AFG1L: variants seen among roughly 807,000 people sequenced by gnomAD.
The protein encoded by AFG1L is AFG1 like ATPase.
A neutral mutation model predicts 62.2 loss-of-function variants in AFG1L; 53 were observed. The ratio of observed to expected loss-of-function variants is 0.85; its 90% CI spans 0.68 to 1.07. AFG1L has a LOEUF of 1.07. Among genes scored for constraint, AFG1L ranks in the 50% least tolerant of loss-of-function variants. The pLI is 0.00. For synonymous variants in AFG1L, 228 were observed against 210.3 expected (o/e 1.08, Z -0.73); for missense variants, 555 against 590.5 (o/e 0.94, Z 0.62).
At chr6:108,474,897 A>T (rs1221844512) in intron 8 of AFG1L, among the ~76,000 whole-genome samples, 1 of 152,120 alleles carries the variant, frequency 6.6e-6, no homozygotes, top group Non-Finnish European at 1.5e-5. Flanking sequence ...GTTTAATTAG[A>T]TCCCATTTGT....
chr6:108,334,983 T>C (rs959127932), intron 2 of AFG1L, among the ~76,000 whole-genome samples: 10 of 152,080 alleles, frequency 6.6e-5, no homozygotes, highest in South Asian at 2.1e-4. Flanking sequence ...CTGGTAGATA[T>C]TGTATTTCTT....
chr6:108,329,408 C>A (rs982654648), intron 2 of AFG1L, among the ~76,000 whole-genome samples: 6 of 152,188 alleles, frequency 3.9e-5, no homozygotes, highest in African/African-American at 1.4e-4. Context: ...AAGTGATTCT[C>A]CTGTCTCGGC....
chr6:108,440,744 G>A (rs1007942835), intron 7 of AFG1L, among the ~76,000 whole-genome samples: 1 of 151,390 alleles, frequency 6.6e-6, no homozygotes, highest in Non-Finnish European at 1.5e-5. Context: ...TTGCTTGAAC[G>A]CAGGAAGCAG....
At chr6:108,451,740 G>A (rs760011667) in intron 8 of AFG1L, among the ~76,000 whole-genome samples, 16 of 151,774 alleles carry the variant, frequency 1.1e-4, no homozygotes, top group South Asian at 4.1e-4. Flanking sequence ...TGGGGGACAC[G>A]GAGTCTTGCT....
chr6:108,473,085 C>T (rs970460488), intron 8 of AFG1L, among the ~76,000 whole-genome samples: 2 of 152,020 alleles, frequency 1.3e-5, no homozygotes, highest in Non-Finnish European at 2.9e-5. Flanking sequence ...TCTAGGCATG[C>T]GTCCCACGCC....
rs2114924179 is a variant in AFG1L, at chr6:108,522,574, A to C, written c.*149A>C. 3.9e-6 allele frequency: 3 copies of C among 769,444 alleles called. No homozygotes were observed. In the East Asian group the frequency reaches 8.8e-5, roughly 22 times the overall value. 47.7% of individuals were successfully genotyped at this position (769,444 alleles called of 1,614,324 possible). A position where few individuals can be genotyped will look rare whatever the true frequency, so the allele number is the denominator to read the frequency against. ...AATCTAAAATTGCTCTCAAGGATCT[A>C]GTGGATTAGTAAGTTAAACACTTAA... On this transcript the variant is annotated 3_prime_UTR_variant, in exon 13 of 13. Transcript: ENST00000368977.
At chr6:108,374,949 C>T (rs1340351348) in intron 6 of AFG1L, among the ~76,000 whole-genome samples, 1 of 152,096 alleles carries the variant, frequency 6.6e-6, no homozygotes, top group Non-Finnish European at 1.5e-5. Context: ...GACATAGATT[C>T]TTCCAATCCA....
Position 108,346,962 on chromosome 6 carries a change from A to T in AFG1L, c.364-26A>T, listed in dbSNP as rs530224024. On this transcript the variant is annotated intron_variant, in intron 2 of 12. Coordinates refer to ENST00000368977, the MANE Select transcript of AFG1L (RefSeq NM_145315.5). ...ATATTTAATTATTTGCATGGTAGAG[A>T]TTTATAATTTGTTCTTAATTTGCAG... is the stretch of plus-strand genomic sequence containing the variant. 498 of 1,565,404 alleles carry T rather than the reference A, an allele frequency of 3.2e-4. 5 individuals carry two copies. In the South Asian group the frequency reaches 5.3e-3, roughly 17 times the overall value.
At chr6:108,406,371 G>A (rs1781857463) in intron 7 of AFG1L, among the ~76,000 whole-genome samples, 2 of 147,678 alleles carry the variant, frequency 1.4e-5, no homozygotes, top group Admixed American at 1.4e-4. Context: ...ATCTCATTAT[G>A]GCTTTGATTT....
intron 6 of AFG1L, among the ~76,000 whole-genome samples, chr6:108,393,715 G>A (rs529009639): frequency 2.0e-5 from 3 of 152,226 alleles, no homozygotes; most frequent in African/African-American, 7.2e-5. Context: ...TAGGACCAAA[G>A]TGTTACCTTA....
Position 108,507,981 on chromosome 6 carries a change from A to G in AFG1L, c.1063-2231A>G, listed in dbSNP as rs17069613. Among the ~76,000 whole-genome samples the G allele has an allele frequency of 0.015, 2,264 of 152,290 alleles. 167 individuals carry two copies. In the East Asian group the frequency reaches 0.21, roughly 14 times the overall value. The stretch of plus-strand genomic sequence containing the variant: ...CATTTGTACTGATCCCAATCATTTG[A>G]GCTCAAAATAATAAAAATAAAAGTA... On this transcript the variant is annotated intron_variant, in intron 10 of 12. Transcript: ENST00000368977.
chr6:108,353,154 T>A (rs760809688), intron 3 of AFG1L, among the ~76,000 whole-genome samples: 34 of 1,648 alleles, frequency 0.021, no homozygotes, highest in Non-Finnish European at 0.071. Context: ...CAATGTTTAA[T>A]TTTTTTTTTT....
intron 7 of AFG1L, among the ~76,000 whole-genome samples, chr6:108,442,496 T>C (rs182394391): frequency 5.8e-4 from 88 of 152,160 alleles, no homozygotes; most frequent in Non-Finnish European, 8.8e-4. Context: ...TTGGACAACT[T>C]GGAGTGATGA....
At chr6:108,354,373 G>T (rs544141938) in intron 3 of AFG1L, among the ~76,000 whole-genome samples, 19 of 151,830 alleles carry the variant, frequency 1.3e-4, no homozygotes, top group African/African-American at 4.6e-4. Flanking sequence ...GCAGTGGCAC[G>T]ATCTCACTGC....
chr6:108,406,392 A>G (rs1164701289), intron 7 of AFG1L, among the ~76,000 whole-genome samples: 5 of 151,726 alleles, frequency 3.3e-5, no homozygotes, highest in Admixed American at 3.3e-4. Flanking sequence ...GCATTTCCCA[A>G]ATGATTAATG....
chr6:108,416,744 G>A (rs145610086), intron 7 of AFG1L, among the ~76,000 whole-genome samples: 1 of 151,960 alleles, frequency 6.6e-6, no homozygotes, highest in Admixed American at 6.6e-5. Flanking sequence ...TGGACACAGG[G>A]TGAGGAACAT....
intron 2 of AFG1L, among the ~76,000 whole-genome samples, chr6:108,341,133 T>A (rs1047586714): frequency 6.6e-6 from 1 of 152,168 alleles, no homozygotes; most frequent in African/African-American, 2.4e-5. Flanking sequence ...GTATATATTT[T>A]AGTATGAGAT....
chr6:108,350,929 C>A (rs913760583), intron 3 of AFG1L, among the ~76,000 whole-genome samples: 2 of 152,170 alleles, frequency 1.3e-5, no homozygotes, highest in Non-Finnish European at 2.9e-5. Context: ...TACTACACAC[C>A]TAGGCTGTAT....
intron 2 of AFG1L, among the ~76,000 whole-genome samples, chr6:108,327,631 A>G (rs1287394810): frequency 2.6e-5 from 4 of 152,286 alleles, no homozygotes; most frequent in African/African-American, 9.6e-5. Flanking sequence ...CACCTTCCAA[A>G]GGTCCTACCT....
Sources: allele counts gnomAD v4.1 joint callset (sites outside exome capture counted in the v4.1 genomes callset), GRCh38; gene constraint gnomAD v4.1.1; transcripts MANE v1.5; gene names NCBI Gene and HGNC (gene_info 2026-07-23, HGNC 2026-07-21).